Variants in SEMA6D observed in about 807,000 individuals in gnomAD.
The protein encoded by SEMA6D is semaphorin-6D.
SEMA6D carries 35 observed loss-of-function variants against 106.6 expected under a neutral mutation model. That is an observed-to-expected ratio of 0.33 (90% confidence interval 0.25 to 0.44). SEMA6D has a LOEUF of 0.44. SEMA6D is among the 20% of genes least tolerant of loss of function. SEMA6D has a pLI of 1.00. For synonymous variants in SEMA6D, 499 were observed against 487.7 expected (o/e 1.02, Z -0.31); for missense variants, 1,185 against 1,345.9 (o/e 0.88, Z 1.87).
At chr15:47,538,346 A>G (rs2045242319) in intron 3 of SEMA6D, among the ~76,000 whole-genome samples, 1 of 152,158 alleles carries the variant, frequency 6.6e-6, no homozygotes, top group Non-Finnish European at 1.5e-5. Flanking sequence ...GTGTTGATAC[A>G]ATGGGGTTAA....
At position 47,633,107 on chromosome 15, in the gene SEMA6D, A is replaced by C. The variant is rs116190550; in HGVS notation, c.-55+32211A>C. Among the ~76,000 whole-genome samples the C allele has an allele frequency of 2.6e-3, 391 of 152,230 alleles. 7 individuals carry two copies. Among genetic ancestry groups the C allele is most frequent in the African/African-American group, 9.2e-3 (381 of 41,566 alleles). ...ATTCTCTACACATATGGAGCACCAC[A>C]TCAGATGATGTTATAAGTTTTGCTT... On this transcript the variant is annotated intron_variant, in intron 4 of 19. Coordinates refer to the SEMA6D transcript ENST00000558014.
At chr15:47,242,615 T>C (rs180956262) in intron 1 of SEMA6D, among the ~76,000 whole-genome samples, 12 of 152,300 alleles carry the variant, frequency 7.9e-5, no homozygotes, top group Non-Finnish European at 1.3e-4. Context: ...AAAACAGATA[T>C]TGCATTAAAC....
At chr15:47,481,488 T>C (rs1251962747) in intron 3 of SEMA6D, among the ~76,000 whole-genome samples, 6 of 152,200 alleles carry the variant, frequency 3.9e-5, no homozygotes, top group Non-Finnish European at 5.9e-5. Flanking sequence ...ATATTTCTCA[T>C]GGTTCTCCTC....
At chr15:47,420,028 C>T (rs2041101644) in intron 2 of SEMA6D, among the ~76,000 whole-genome samples, 1 of 152,028 alleles carries the variant, frequency 6.6e-6, no homozygotes, top group Non-Finnish European at 1.5e-5. Flanking sequence ...CGGACCTTTC[C>T]AAGAACATGA....
At chr15:47,650,569 A>G (rs1370100491) in intron 4 of SEMA6D, among the ~76,000 whole-genome samples, 1 of 152,250 alleles carries the variant, frequency 6.6e-6, no homozygotes, top group Non-Finnish European at 1.5e-5. Flanking sequence ...ATGAATTTAT[A>G]TAGTGATTGG....
chr15:47,254,331 G>GTATATATATATATATATATATATA (rs3050479), intron 1 of SEMA6D, among the ~76,000 whole-genome samples: 1 of 139,252 alleles, frequency 7.2e-6, no homozygotes, highest in African/African-American at 2.6e-5. Flanking sequence ...GTGTGTGTGT[G>GTATATATATATATATATATATATA]TATATATATA....
chr15:47,383,340 A>G (rs1429144772), intron 1 of SEMA6D, among the ~76,000 whole-genome samples: 6 of 152,244 alleles, frequency 3.9e-5, no homozygotes, highest in Non-Finnish European at 5.9e-5. Context: ...CAGATGGCAC[A>G]TATGGAAAGT....
Position 47,764,065 on chromosome 15 carries a change from T to C in SEMA6D, c.963T>C (p.Asn321=). 3.1e-6 allele frequency: 5 copies of C among 1,613,756 alleles called. No individual in the cohort carries two copies. The highest frequency in any genetic ancestry group is 4.2e-6 in the Non-Finnish European group (5 of 1,179,780). ...TVVGVFTTQL[N]SIPGSAVCAF... ...TCGGGGTGTTTACCACGCAGCTCAA[T>C]AGGTGAGAGCAGAACCCCGGCACTG... Residue 321 remains asparagine, a splice_region_variant and synonymous_variant, in exon 10 of 19, where the codon AAT becomes AAC. Coordinates refer to ENST00000536845, the MANE Select transcript of SEMA6D (RefSeq NM_001358351.3).
At chr15:47,249,453 T>C (rs566098525) in intron 1 of SEMA6D, among the ~76,000 whole-genome samples, 1 of 152,144 alleles carries the variant, frequency 6.6e-6, no homozygotes, top group South Asian at 2.1e-4. Context: ...TGTTTTTTTT[T>C]TTCTGTGGGT....
chr15:47,261,311 G>T (rs74013764), intron 1 of SEMA6D, among the ~76,000 whole-genome samples: 184 of 152,258 alleles, frequency 1.2e-3, no homozygotes, highest in African/African-American at 4.3e-3. Flanking sequence ...CGACCTGCCA[G>T]GTTAGGTGAA....
chr15:47,411,862 T>A (rs2040810547), intron 1 of SEMA6D, among the ~76,000 whole-genome samples: 1 of 151,994 alleles, frequency 6.6e-6, no homozygotes, highest in Non-Finnish European at 1.5e-5. Flanking sequence ...CATCTCAAGG[T>A]CAATAGAGGG....
chr15:47,641,627 A>G lies in SEMA6D; in HGVS notation c.-55+40731A>G, dbSNP rs371372101. On this transcript the variant is annotated intron_variant, in intron 4 of 19. Coordinates refer to the SEMA6D transcript ENST00000558014. ...AAGAGGAAATTGCCCTGGCTTTACC[A>G]GCTTAATTCCTATTGTGTGTTGCAG... 4.6e-5 allele frequency among the ~76,000 whole-genome samples: 7 copies of G among 152,270 alleles called. No homozygotes were observed. In the East Asian group the frequency reaches 9.7e-4, roughly 21 times the overall value.
intron 2 of SEMA6D, among the ~76,000 whole-genome samples, chr15:47,444,126 T>C (rs1270148229): frequency 6.6e-6 from 1 of 152,144 alleles, no homozygotes; most frequent in African/African-American, 2.4e-5. Flanking sequence ...CCTGTGTCTA[T>C]TTACCATCTG....
At chr15:47,546,919 A>G (rs2045540770) in intron 3 of SEMA6D, among the ~76,000 whole-genome samples, 2 of 151,824 alleles carry the variant, frequency 1.3e-5, no homozygotes, top group South Asian at 2.1e-4. Flanking sequence ...TTCCAACCCA[A>G]TTCTGTTTAG....
chr15:47,755,776 C>T (rs2081689140), intron 1 of SEMA6D, among the ~76,000 whole-genome samples: 1 of 151,154 alleles, frequency 6.6e-6, no homozygotes, highest in South Asian at 2.1e-4. Context: ...GCTATACTCT[C>T]ATTTTTATAG....
At chr15:47,342,152 A>T (rs1473625060) in intron 1 of SEMA6D, among the ~76,000 whole-genome samples, 1 of 152,164 alleles carries the variant, frequency 6.6e-6, no homozygotes, top group Non-Finnish European at 1.5e-5. Context: ...GTACAAGGAA[A>T]CTAGAGACCC....
intron 3 of SEMA6D, among the ~76,000 whole-genome samples, chr15:47,507,111 G>A (rs2044067222): frequency 1.3e-5 from 2 of 152,200 alleles, no homozygotes; most frequent in Admixed American, 1.3e-4. Flanking sequence ...GGGCATTACA[G>A]GGATTATGGA....
intron 1 of SEMA6D, among the ~76,000 whole-genome samples, chr15:47,296,917 A>G (rs538788806): frequency 1.3e-5 from 2 of 152,296 alleles, no homozygotes; most frequent in African/African-American, 4.8e-5. Flanking sequence ...TCTAAACATC[A>G]TCTTTACATT....
At chr15:47,702,138 T>A (rs1381834841) in intron 4 of SEMA6D, among the ~76,000 whole-genome samples, 1 of 152,206 alleles carries the variant, frequency 6.6e-6, no homozygotes, top group Non-Finnish European at 1.5e-5. Context: ...ATGGTCATAC[T>A]TGGCTGATGG....
Sources: allele counts gnomAD v4.1 joint callset (sites outside exome capture counted in the v4.1 genomes callset), GRCh38; gene constraint gnomAD v4.1.1; transcripts MANE v1.5; gene names NCBI Gene and HGNC (gene_info 2026-07-23, HGNC 2026-07-21).